The following TBC1D19 variants were observed in gnomAD, a reference collection of about 807,000 sequenced individuals.
The protein encoded by TBC1D19 is TBC1 domain family, member 19.
TBC1D19 carries 60 observed loss-of-function variants against 89.0 expected under a neutral mutation model. The ratio of observed to expected loss-of-function variants is 0.67; its 90% CI spans 0.55 to 0.84. The LOEUF (loss-of-function observed/expected upper bound fraction) is 0.84, where lower values mean the gene tolerates loss of function less well. Ranked by LOEUF, TBC1D19 falls within the 40% of genes least tolerant of loss-of-function variation. TBC1D19 has a pLI of 0.00. For missense variants in TBC1D19, 500 were observed against 610.8 expected (o/e 0.82, Z 1.91); for synonymous variants, 189 against 199.7 (o/e 0.95, Z 0.45).
intron 15 of TBC1D19, among the ~76,000 whole-genome samples, chr4:26,725,335 T>C (rs778611108): frequency 6.6e-6 from 1 of 152,226 alleles, no homozygotes; most frequent in African/African-American, 2.4e-5. Flanking sequence ...AATGGAGGAA[T>C]GGAGTTTGGG....
chr4:26,727,997 G>C (rs1717416608), intron 15 of TBC1D19, among the ~76,000 whole-genome samples: 1 of 152,180 alleles, frequency 6.6e-6, no homozygotes, highest in African/African-American at 2.4e-5. Context: ...GGGAAATGTA[G>C]TAAAAGTGGT....
At chr4:26,668,895 T>C (rs1712041093) in intron 9 of TBC1D19, among the ~76,000 whole-genome samples, 1 of 151,818 alleles carries the variant, frequency 6.6e-6, no homozygotes, top group Non-Finnish European at 1.5e-5. Flanking sequence ...ACAATTATAC[T>C]ATAGAATCCT....
chr4:26,578,128 C>CT (rs987871725), intron 1 of TBC1D19, among the ~76,000 whole-genome samples: 9 of 152,150 alleles, frequency 5.9e-5, no homozygotes, highest in Non-Finnish European at 2.9e-5. Context: ...AGGATTAAGT[C>CT]TTGGTAACAG....
At chr4:26,630,761 C>G (rs1350285437) in intron 4 of TBC1D19, among the ~76,000 whole-genome samples, 1 of 151,972 alleles carries the variant, frequency 6.6e-6, no homozygotes, top group Non-Finnish European at 1.5e-5. Context: ...ATTAAATGAT[C>G]ATCTGCTCCT....
At chr4:26,706,855 C>T (rs2109229490) in intron 13 of TBC1D19, among the ~76,000 whole-genome samples, 2 of 152,038 alleles carry the variant, frequency 1.3e-5, no homozygotes, top group Middle Eastern at 6.8e-3. Flanking sequence ...CCTTCTGTGA[C>T]TGATTTCTAC....
intron 13 of TBC1D19, among the ~76,000 whole-genome samples, chr4:26,695,431 C>A (rs1714686452): frequency 6.6e-6 from 1 of 152,158 alleles, no homozygotes. Context: ...ATGGAAAACA[C>A]CCTGCAGGAT....
intron 13 of TBC1D19, among the ~76,000 whole-genome samples, chr4:26,703,557 G>A (rs564313944): frequency 1.3e-5 from 2 of 152,204 alleles, no homozygotes; most frequent in South Asian, 2.1e-4. Flanking sequence ...GGTCATAGCC[G>A]ATTTATTGGA....
chr4:26,631,117 T>G (rs1742784517), intron 4 of TBC1D19, among the ~76,000 whole-genome samples: 1 of 152,048 alleles, frequency 6.6e-6, no homozygotes, highest in South Asian at 2.1e-4. Context: ...CACCTTGACA[T>G]AGTGTTATAG....
Position 26,673,802 on chromosome 4 carries a change from G to T in TBC1D19, c.730G>T (p.Ala244Ser), listed in dbSNP as rs1339976094. Reference protein sequence around the residue: ...KVLAEQDSAAAQQYIRQGSPT... With the variant: ...KVLAEQDSAASQQYIRQGSPT... Reference sequence around the variant, plus strand: ...TCTAGCAGAACAAGATAGTGCTGCTGCTCAACAGTACATCAGACAAGGAAG... The same window carrying T: ...TCTAGCAGAACAAGATAGTGCTGCTTCTCAACAGTACATCAGACAAGGAAG... The change falls in exon 11 of 21, where the codon GCT becomes TCT. Residue 244 changes from alanine to serine, a missense_variant. Physicochemically the swap from Ala to Ser is moderately conservative, Grantham distance 99 (BLOSUM62 1). This residue lies in a region of TBC1D19 where 280 missense variants were observed against 291.7 expected (regional missense o/e 0.96). Coordinates refer to ENST00000264866, the MANE Select transcript of TBC1D19 (RefSeq NM_018317.4). 2 of 1,611,656 alleles carry T rather than the reference G, an allele frequency of 1.2e-6. No individual in the cohort carries two copies. The highest frequency in any genetic ancestry group is 2.7e-5 in the African/African-American group (2 of 74,762).
intron 13 of TBC1D19, among the ~76,000 whole-genome samples, chr4:26,692,256 G>A (rs1376270214): frequency 6.6e-6 from 1 of 152,134 alleles, no homozygotes; most frequent in Non-Finnish European, 1.5e-5. Flanking sequence ...CTCCATTGCA[G>A]ATGCTAAATT....
chr4:26,765,232 G>T, the TBC1D19 span, among the ~76,000 whole-genome samples: 1 of 152,044 alleles, frequency 6.6e-6, no homozygotes, highest in Admixed American at 6.6e-5. Context: ...AAGGAAGGAG[G>T]AATAACACTC....
At chr4:26,854,238 A>G in the TBC1D19 span, among the ~76,000 whole-genome samples, 2 of 152,226 alleles carry the variant, frequency 1.3e-5, no homozygotes, top group Admixed American at 1.3e-4. Flanking sequence ...ACAATTAACA[A>G]AGCATAAATA....
At chr4:26,725,439 T>G (rs1717250849) in intron 15 of TBC1D19, among the ~76,000 whole-genome samples, 1 of 152,020 alleles carries the variant, frequency 6.6e-6, no homozygotes, top group Non-Finnish European at 1.5e-5. Flanking sequence ...CAAGACAAAG[T>G]CTTGCTCTGT....
In TBC1D19 at chr4:26,742,591, G is replaced by A; in HGVS notation, c.1311G>A (p.Gly437=). Residue 437 remains glycine (G), a synonymous_variant, in exon 18 of 21, where the codon GGG becomes GGA. Transcript: ENST00000264866. ...TCTTTTATCATCTACGAGAAATTGG[G>A]GCTCAACCGTGAGTACTTTTCTCTC... ...PQLFYHLREI[G]AQPLRISFKW... 1 of 1,611,036 alleles carries A rather than the reference G, an allele frequency of 6.2e-7. No individual in the cohort carries two copies. The highest frequency in any genetic ancestry group is 1.3e-5 in the African/African-American group (1 of 74,882).
chr4:26,749,942 T>C (rs537283868), intron 19 of TBC1D19, among the ~76,000 whole-genome samples: 1 of 152,220 alleles, frequency 6.6e-6, no homozygotes, highest in Non-Finnish European at 1.5e-5. Flanking sequence ...TCATTTCTTT[T>C]GGCTGAATGG....
intron 7 of TBC1D19, among the ~76,000 whole-genome samples, chr4:26,652,125 T>C (rs956539155): frequency 6.6e-5 from 10 of 152,174 alleles, no homozygotes; most frequent in African/African-American, 2.4e-4. Flanking sequence ...CAGTATTTTC[T>C]TGAGGATGTT....
chr4:26,681,865 A>G (rs1207775611), intron 11 of TBC1D19, among the ~76,000 whole-genome samples: 1 of 152,204 alleles, frequency 6.6e-6, no homozygotes, highest in Non-Finnish European at 1.5e-5. Flanking sequence ...TCCATTTCAT[A>G]TTGAAAAACA....
the TBC1D19 span, among the ~76,000 whole-genome samples, chr4:26,837,492 G>A: frequency 2.0e-5 from 3 of 152,204 alleles, no homozygotes; most frequent in African/African-American, 7.2e-5. Context: ...AAGATATCAG[G>A]AAGAATGAAA....
intron 19 of TBC1D19, among the ~76,000 whole-genome samples, chr4:26,750,176 T>C (rs958769625): frequency 6.6e-6 from 1 of 152,214 alleles, no homozygotes; most frequent in African/African-American, 2.4e-5. Flanking sequence ...TCTCACATTT[T>C]CGCCTCTCCC....
Sources: gnomAD v4.1 joint callset for allele counts (sites outside exome capture counted in the v4.1 genomes callset) on GRCh38, gnomAD v4.1.1 for gene constraint, gnomAD v4.1.1 regional missense constraint, MANE v1.5 for transcripts, NCBI Gene and HGNC (gene_info 2026-07-23, HGNC 2026-07-21) for gene names.